The following GLRA2 variants were observed in gnomAD, a reference collection of about 807,000 sequenced individuals.
The protein encoded by GLRA2 is glycine receptor subunit alpha-2.
GLRA2 carries 11 observed loss-of-function variants against 31.6 expected under a neutral mutation model. That is an observed-to-expected ratio of 0.35 (90% CI 0.22 to 0.58). The LOEUF (loss-of-function observed/expected upper bound fraction) is 0.58, where lower values mean the gene tolerates loss of function less well. GLRA2 is among the 20% of genes least tolerant of loss of function. GLRA2 has a pLI of 0.84. For missense variants in GLRA2, 212 were observed against 351.8 expected, an observed-to-expected ratio of 0.60 and a Z score of 3.18; for synonymous variants, 132 against 134.0, an observed-to-expected ratio of 0.99 and a Z score of 0.10.
At chrX:14,475,918 A>G in the GLRA2 span, among the ~76,000 whole-genome samples, 1 of 111,821 alleles carries the variant, frequency 8.9e-6, no homozygotes, top group East Asian at 2.8e-4. Context: ...TGTTTCTTCT[A>G]TGGATACATG....
chrX:14,571,124 A>G lies in GLRA2; in HGVS notation c.203-3209A>G, dbSNP rs139277077. 2.5e-3 allele frequency among the ~76,000 whole-genome samples: 283 copies of G among 112,118 alleles called. 1 individual carries two copies. The highest frequency in any genetic ancestry group is 8.7e-3 in the African/African-American group (268 of 30,922). ...AACGAAGGATAGGAATGATAGTGCC[A>G]TGAAAAACTAGATGTTTACATAATT... On this transcript the variant is annotated intron_variant, in intron 2 of 8. Coordinates refer to ENST00000218075, the MANE Select transcript of GLRA2 (RefSeq NM_002063.4).
the GLRA2 span, among the ~76,000 whole-genome samples, chrX:14,469,559 A>G: frequency 9.3e-6 from 1 of 107,311 alleles, no homozygotes; most frequent in African/African-American, 3.4e-5. Context: ...CATGGATGAA[A>G]TTGGAAATCA....
chrX:14,647,162 G>A (rs1026490357), intron 7 of GLRA2, among the ~76,000 whole-genome samples: 3 of 111,870 alleles, frequency 2.7e-5, no homozygotes, highest in African/African-American at 9.7e-5. Context: ...TTGGTACAGG[G>A]AGATTCAGGA....
chrX:14,596,271 A>G (rs1417376398), intron 4 of GLRA2, among the ~76,000 whole-genome samples: 2 of 111,428 alleles, frequency 1.8e-5, no homozygotes, highest in Admixed American at 1.9e-4. Context: ...GCACACTGGC[A>G]TGTGTTAAAA....
At chrX:14,720,494 A>G (rs1335944566) in intron 8 of GLRA2, among the ~76,000 whole-genome samples, 1 of 111,459 alleles carries the variant, frequency 9.0e-6, no homozygotes, top group Non-Finnish European at 1.9e-5. Flanking sequence ...AGACATACAG[A>G]GGATAACTGT....
chrX:14,601,784 T>C (rs1357452150), intron 4 of GLRA2, among the ~76,000 whole-genome samples: 1 of 111,119 alleles, frequency 9.0e-6, no homozygotes, highest in African/African-American at 3.3e-5. Flanking sequence ...TTGAATAGAT[T>C]GTAAAAATGA....
intron 7 of GLRA2, among the ~76,000 whole-genome samples, chrX:14,638,745 G>A (rs1239570229): frequency 9.0e-6 from 1 of 111,450 alleles, no homozygotes; most frequent in Non-Finnish European, 1.9e-5. Context: ...TACTCACAAT[G>A]TGTTGTGGAA....
chrX:14,681,910 A>AATATATATATATATATAT (rs1556060452), intron 7 of GLRA2, among the ~76,000 whole-genome samples: 37 of 41,248 alleles, frequency 9.0e-4, no homozygotes, highest in Non-Finnish European at 1.1e-3. Flanking sequence ...AAAAAAAAAA[A>AATATATATATATATATAT]ATATATATAT....
chrX:14,619,241 G>A (rs1408553181), intron 7 of GLRA2, among the ~76,000 whole-genome samples: 2 of 110,509 alleles, frequency 1.8e-5, no homozygotes, highest in South Asian at 3.9e-4. Context: ...CAACACAACA[G>A]CCAGAAAAGT....
At chrX:14,648,841 G>C (rs1256620743) in intron 7 of GLRA2, among the ~76,000 whole-genome samples, 1 of 112,344 alleles carries the variant, frequency 8.9e-6, no homozygotes, top group Non-Finnish European at 1.9e-5. Flanking sequence ...ATGTTGGTGA[G>C]AATGTGGAGC....
chrX:14,568,192 A>C (rs969959638), intron 2 of GLRA2, among the ~76,000 whole-genome samples: 2 of 112,241 alleles, frequency 1.8e-5, no homozygotes, highest in Admixed American at 1.9e-4. Context: ...AATGAAGAAC[A>C]AAGCGGAAGG....
intron 7 of GLRA2, among the ~76,000 whole-genome samples, chrX:14,669,773 A>T (rs1319711352): frequency 3.6e-5 from 4 of 111,400 alleles, no homozygotes; most frequent in Admixed American, 2.8e-4. Context: ...TTTTCCTCCT[A>T]GGCCTCTGGG....
At chrX:14,696,895 T>C (rs1371258329) in intron 8 of GLRA2, among the ~76,000 whole-genome samples, 1 of 112,156 alleles carries the variant, frequency 8.9e-6, no homozygotes, top group Non-Finnish European at 1.9e-5. Flanking sequence ...ATTCAGAACA[T>C]AATGTTTTAT....
At chrX:14,670,417 G>A (rs1017264775) in intron 7 of GLRA2, among the ~76,000 whole-genome samples, 1 of 111,777 alleles carries the variant, frequency 8.9e-6, no homozygotes, top group African/African-American at 3.3e-5. Context: ...TACTGTATTA[G>A]TTTGTTTTCA....
chrX:14,519,157 T>C, the GLRA2 span, among the ~76,000 whole-genome samples: 3 of 110,686 alleles, frequency 2.7e-5, no homozygotes, highest in African/African-American at 6.6e-5. Flanking sequence ...ATATGTATTA[T>C]ACACATTTGT....
intron 4 of GLRA2, among the ~76,000 whole-genome samples, chrX:14,594,940 G>GA (rs533954335): frequency 0.021 from 1,587 of 77,412 alleles, 24 homozygotes; most frequent in Middle Eastern, 0.034. Context: ...AGGTCAACAG[G>GA]AAAAAAAAAA....
At chrX:14,487,679 T>C in the GLRA2 span, among the ~76,000 whole-genome samples, 1 of 111,709 alleles carries the variant, frequency 9.0e-6, no homozygotes, top group Admixed American at 9.5e-5. Context: ...AAATAATTCA[T>C]TGTATAAAGA....
At chrX:14,590,814 G>A (rs189946924) in intron 4 of GLRA2, among the ~76,000 whole-genome samples, 1 of 112,148 alleles carries the variant, frequency 8.9e-6, no homozygotes, top group East Asian at 2.8e-4. Context: ...TGTAACATAA[G>A]CGTCCACATC....
chrX:14,525,232 T>C (rs975647052), upstream of GLRA2, among the ~76,000 whole-genome samples: 3 of 111,774 alleles, frequency 2.7e-5, no homozygotes, highest in Non-Finnish European at 5.7e-5. Flanking sequence ...AATCTTTTCA[T>C]TTCTCTTGTA....
Sources: gnomAD v4.1 joint callset for allele counts (sites outside exome capture counted in the v4.1 genomes callset) on GRCh38, gnomAD v4.1.1 for gene constraint, MANE v1.5 for transcripts, NCBI Gene and HGNC (gene_info 2026-07-23, HGNC 2026-07-21) for gene names.